The following CCDC149 variants were observed in gnomAD, a reference collection of about 807,000 sequenced individuals.
The protein encoded by CCDC149 is coiled-coil domain-containing protein 149.
A neutral mutation model predicts 59.9 loss-of-function variants in CCDC149; 45 were observed. The observed-to-expected ratio is 0.75, with a 90% CI of 0.59 to 0.96. The LOEUF (loss-of-function observed/expected upper bound fraction) is 0.96, where lower values mean the gene tolerates loss of function less well. Ranked by LOEUF, CCDC149 falls within the 40% of genes least tolerant of loss-of-function variation. The probability of loss-of-function intolerance (pLI) is 0.00; values close to 1 mark genes in which losing one functional copy is unlikely to be tolerated. For synonymous variants in CCDC149, 245 were observed against 260.6 expected, an observed-to-expected ratio of 0.94 and a Z score of 0.58; for missense variants, 584 against 664.7, an observed-to-expected ratio of 0.88 and a Z score of 1.33.
chr4:24,959,564 G>A (rs1369178876), intron 1 of CCDC149, among the ~76,000 whole-genome samples: 2 of 151,984 alleles, frequency 1.3e-5, no homozygotes, highest in South Asian at 2.1e-4. Context: ...AGCTTAAGAA[G>A]CACAAGAAAC....
intron 6 of CCDC149, among the ~76,000 whole-genome samples, chr4:24,836,758 G>A (rs919936916): frequency 6.6e-6 from 1 of 152,054 alleles, no homozygotes; most frequent in Non-Finnish European, 1.5e-5. Flanking sequence ...GATTCCCTAA[G>A]GGATATCAAC....
intron 1 of CCDC149, among the ~76,000 whole-genome samples, chr4:24,943,860 G>T (rs1475070760): frequency 6.6e-6 from 1 of 151,828 alleles, no homozygotes; most frequent in African/African-American, 2.4e-5. Flanking sequence ...AAACCACAAT[G>T]AGATACCAGT....
upstream of CCDC149, among the ~76,000 whole-genome samples, chr4:24,915,351 C>T (rs911162751): frequency 2.0e-5 from 3 of 152,220 alleles, no homozygotes; most frequent in African/African-American, 7.2e-5. Context: ...CTTGTCTGCA[C>T]CTTGCTCTCT....
In CCDC149 at chr4:24,806,415, C is replaced by A. The variant is rs960884412; in HGVS notation, c.*1974G>T. Reference sequence around the variant, plus strand: ...GGAATGTGCTGGAGTCTATTACGAGCCCTGCTTTTCAGAAGGTGCTCAACA... The same window carrying A: ...GGAATGTGCTGGAGTCTATTACGAGACCTGCTTTTCAGAAGGTGCTCAACA... On this transcript the variant is annotated 3_prime_UTR_variant, in exon 13 of 13. Transcript: ENST00000635206. 1 of 152,238 alleles carries A rather than the reference C, an allele frequency of 6.6e-6. No individual in the cohort carries two copies. Among genetic ancestry groups the A allele is most frequent in the Non-Finnish European group, 1.5e-5 (1 of 68,054 alleles). The allele number at this position is 152,238 out of a possible 1,614,324, so 9.4% of individuals were successfully genotyped here.
At chr4:24,955,049 C>G (rs1723429087) in intron 1 of CCDC149, among the ~76,000 whole-genome samples, 1 of 152,128 alleles carries the variant, frequency 6.6e-6, no homozygotes, top group Admixed American at 6.5e-5. Context: ...TATAGCAACA[C>G]CCTGCTTCTG....
intron 1 of CCDC149, among the ~76,000 whole-genome samples, chr4:24,944,110 T>C (rs1000690136): frequency 6.6e-6 from 1 of 152,216 alleles, no homozygotes; most frequent in Non-Finnish European, 1.5e-5. Context: ...CGTATGTTTA[T>C]TGCGGCACTA....
At chr4:24,907,822 T>C (rs1527355) in intron 1 of CCDC149, among the ~76,000 whole-genome samples, 141,001 of 152,196 alleles carry the variant, frequency 0.93, 65,944 homozygotes, top group Non-Finnish European at 1. Context: ...TTGGCAGGAC[T>C]GTGTTCCCCA....
chr4:24,877,738 A>G (rs981074534), intron 1 of CCDC149, among the ~76,000 whole-genome samples: 8 of 152,096 alleles, frequency 5.3e-5, no homozygotes, highest in African/African-American at 1.7e-4. Flanking sequence ...AGTTGAGTAC[A>G]CCTGGTTGGA....
intron 1 of CCDC149, among the ~76,000 whole-genome samples, chr4:24,962,395 C>T (rs951231831): frequency 1.3e-5 from 2 of 152,196 alleles, no homozygotes; most frequent in African/African-American, 4.8e-5. Flanking sequence ...TTGTGGAAGT[C>T]AGTGTGGCGA....
chr4:24,975,744 C>T (rs1370679867), intron 1 of CCDC149, among the ~76,000 whole-genome samples: 1 of 151,974 alleles, frequency 6.6e-6, no homozygotes, highest in Non-Finnish European at 1.5e-5. Context: ...GGTGGTCCCC[C>T]AAAGAAAGGA....
chr4:24,900,902 T>C (rs146606993), intron 1 of CCDC149, among the ~76,000 whole-genome samples: 1 of 152,254 alleles, frequency 6.6e-6, no homozygotes, highest in East Asian at 1.9e-4. Context: ...TCATTTTGGC[T>C]GAAGCAGCCA....
chr4:24,843,282 T>C (rs1453175123), intron 4 of CCDC149, among the ~76,000 whole-genome samples: 1 of 152,218 alleles, frequency 6.6e-6, no homozygotes, highest in Non-Finnish European at 1.5e-5. Context: ...AAGTGGATGC[T>C]AGCCCTTTCT....
At chr4:24,813,746 T>C (rs1431047334) in intron 12 of CCDC149, among the ~76,000 whole-genome samples, 1 of 152,106 alleles carries the variant, frequency 6.6e-6, no homozygotes, top group African/African-American at 2.4e-5. Flanking sequence ...ATTTATTTAC[T>C]TAATCAAATG....
At chr4:24,947,156 TGATATG>T (rs1467771161) in intron 1 of CCDC149, among the ~76,000 whole-genome samples, 1 of 152,246 alleles carries the variant, frequency 6.6e-6, no homozygotes, top group Non-Finnish European at 1.5e-5. Context: ...TTTTGCTTAG[TGATATG>T]GTTTGGCTGT....
At chr4:24,895,237 G>A in intron 1 of CCDC149, 1 of 594,264 alleles carries the variant, frequency 1.7e-6, no homozygotes, top group Non-Finnish European at 3.0e-6. Flanking sequence ...GCCTTCTGGG[G>A]AGCTGGGGAT....
chr4:24,905,406 C>CGTGT (rs1370768602), intron 1 of CCDC149, among the ~76,000 whole-genome samples: 8 of 110,342 alleles, frequency 7.3e-5, no homozygotes, highest in African/African-American at 2.6e-4. Context: ...TTTCTTTTTG[C>CGTGT]GTGCGTGCGT....
chr4:24,902,154 T>C (rs1429563634), intron 1 of CCDC149, among the ~76,000 whole-genome samples: 2 of 152,154 alleles, frequency 1.3e-5, no homozygotes, highest in Non-Finnish European at 2.9e-5. Flanking sequence ...ATGGAAATAA[T>C]TGAGAATGTT....
chr4:24,855,821 A>G (rs979903785), intron 3 of CCDC149, among the ~76,000 whole-genome samples: 1 of 152,234 alleles, frequency 6.6e-6, no homozygotes, highest in African/African-American at 2.4e-5. Flanking sequence ...TTTTGTAGGT[A>G]GGAAAGCAAA....
chr4:24,813,799 G>A (rs909547710), intron 12 of CCDC149, among the ~76,000 whole-genome samples: 1 of 152,098 alleles, frequency 6.6e-6, no homozygotes, highest in African/African-American at 2.4e-5. Flanking sequence ...AAAACTCTGA[G>A]AAGCTCTAGA....
Sources: gnomAD v4.1 joint callset for allele counts (sites outside exome capture counted in the v4.1 genomes callset) on GRCh38, gnomAD v4.1.1 for gene constraint, MANE v1.5 for transcripts, NCBI Gene and HGNC (gene_info 2026-07-23, HGNC 2026-07-21) for gene names.